The following TARM1 variants were observed in gnomAD, a reference collection of about 807,000 sequenced individuals.
TARM1 encodes T-cell-interacting, activating receptor on myeloid cells protein 1.
In TARM1, 24 loss-of-function variants were observed where a neutral mutation model predicts 30.4. That is an observed-to-expected ratio of 0.79 (90% confidence interval 0.57 to 1.11). The LOEUF is 1.11. TARM1 is among the 50% of genes least tolerant of loss of function. TARM1 has a pLI of 0.00. For synonymous variants in TARM1, 129 were observed against 138.9 expected (o/e 0.93, Z 0.50); for missense variants, 323 against 332.8 (o/e 0.97, Z 0.23).
chr19:54,071,835 AAAAC>A (rs587776218), intron 4 of TARM1, among the ~76,000 whole-genome samples: 53 of 149,716 alleles, frequency 3.5e-4, no homozygotes, highest in African/African-American at 1.1e-3. Context: ...CATCTCAAAG[AAAAC>A]AAACAAACAA....
intron 1 of TARM1, 120 bp from the exon 2 acceptor site, chr19:54,076,038 C>A: frequency 7.0e-7 from 1 of 1,434,396 alleles, no homozygotes; most frequent in Non-Finnish European, 9.4e-7. Context: ...AGGTCATACG[C>A]TCAGGAGTTC....
At chr19:54,079,352 G>T (rs1193081333) in intron 1 of TARM1, among the ~76,000 whole-genome samples, 2 of 152,032 alleles carry the variant, frequency 1.3e-5, no homozygotes, top group African/African-American at 4.8e-5. Context: ...GTTAGAGGGT[G>T]TAGCGTTCAT....
rs564302037 is a variant in TARM1 at position 54,071,103 on chromosome 19, A to G, written c.659-943T>C. On this transcript the variant is annotated intron_variant, in intron 4 of 4. Transcript: ENST00000432826. The stretch of plus-strand genomic sequence containing the variant: ...CTCCCGAATAGCTAGGATTACAGGC[A>G]CCTACCACCACACCCGGCTAATTTT... Among the ~76,000 whole-genome samples the G allele has an allele frequency of 3.2e-4, 48 of 151,988 alleles. 1 individual carries two copies. The East Asian group carries it at 7.6e-3, about 24-fold the overall frequency.
intron 1 of TARM1, among the ~76,000 whole-genome samples, chr19:54,080,344 GCTACT>G (rs1424513153): frequency 6.6e-6 from 1 of 150,524 alleles, no homozygotes; most frequent in Non-Finnish European, 1.5e-5. Flanking sequence ...TGTAGTCCCA[GCTACT>G]CGGGAGGCTG....
At chr19:54,073,343 A>G (rs1406850319) in intron 4 of TARM1, among the ~76,000 whole-genome samples, 1 of 117,986 alleles carries the variant, frequency 8.5e-6, no homozygotes, top group African/African-American at 3.2e-5. Context: ...TGGAAGGTGG[A>G]GGTTGCAGTG....
chr19:54,077,593 G>A (rs1467619400), intron 1 of TARM1, among the ~76,000 whole-genome samples: 1 of 152,022 alleles, frequency 6.6e-6, no homozygotes, highest in East Asian at 1.9e-4. Context: ...ACATCCATGA[G>A]CCAATCCATA....
chr19:54,074,016 C>G lies in TARM1; in HGVS notation c.562G>C (p.Ala188Pro), dbSNP rs1328305789. The G allele has an allele frequency of 6.4e-7, 1 of 1,551,576 alleles. No individual in the cohort carries two copies. Among genetic ancestry groups the G allele is most frequent in the Non-Finnish European group, 8.7e-7 (1 of 1,147,006 alleles). Residue 188 changes from alanine to proline, a missense_variant, in exon 4 of 5, where the codon GCC becomes CCC. Transcript: ENST00000432826. ...EIDFSLVDVT[A>P]GDAGNYSCMY... ...CAGCTGTAGTTCCCAGCATCGCCGG[C>G]TGTCACGTCCACCAGAGAGAAGTCT... is the stretch of plus-strand genomic sequence containing the variant.
At chr19:54,079,188 C>G (rs2072034916) in intron 1 of TARM1, among the ~76,000 whole-genome samples, 1 of 148,384 alleles carries the variant, frequency 6.7e-6, no homozygotes, top group Non-Finnish European at 1.5e-5. Context: ...CGCTTGAACC[C>G]AGGAGGCGGA....
chr19:54,075,189 A>G, intron 2 of TARM1, 75 bp from the exon 3 acceptor site: 1 of 1,200,044 alleles, frequency 8.3e-7, no homozygotes, highest in South Asian at 1.9e-5. Flanking sequence ...AAAATTTATT[A>G]TTATTATTAT....
At chr19:54,077,116 C>A (rs1439001804) in intron 1 of TARM1, among the ~76,000 whole-genome samples, 2 of 152,062 alleles carry the variant, frequency 1.3e-5, no homozygotes, top group African/African-American at 4.8e-5. Context: ...GGCGCGGTGG[C>A]TCCCGCCTGT....
intron 1 of TARM1, among the ~76,000 whole-genome samples, chr19:54,078,178 C>CTTTTTTTTTTTTTTTT (rs869101071): frequency 2.9e-5 from 2 of 67,802 alleles, no homozygotes; most frequent in Non-Finnish European, 2.6e-5. Context: ...TTCTTTCTTT[C>CTTTTTTTTTTTTTTTT]TTTTTTTTTT....
intron 1 of TARM1, chr19:54,076,393 C>T (rs777163945): frequency 2.4e-5 from 7 of 287,294 alleles, no homozygotes; most frequent in Admixed American, 7.9e-5. Flanking sequence ...GACAGAGTTG[C>T]GCTCTGTCGC....
chr19:54,076,367 T>A (rs921310436), intron 1 of TARM1: 8 of 759,914 alleles, frequency 1.1e-5, no homozygotes, highest in Middle Eastern at 3.9e-4. Flanking sequence ...TCTTTCTTTC[T>A]TTCATTCATT....
intron 1 of TARM1, among the ~76,000 whole-genome samples, chr19:54,077,827 C>T (rs1337907435): frequency 3.3e-5 from 5 of 149,922 alleles, no homozygotes; most frequent in Non-Finnish European, 7.4e-5. Flanking sequence ...ACTGCAACCT[C>T]CGCCTCGCGG....
chr19:54,079,119 C>T (rs148190526), intron 1 of TARM1, among the ~76,000 whole-genome samples: 12,648 of 148,846 alleles, frequency 0.085, 733 homozygotes, highest in Middle Eastern at 0.16. Context: ...AAAAACTTAG[C>T]CAGGCATGGT....
intron 3 of TARM1, 110 bp from the exon 4 acceptor site, chr19:54,074,326 T>C: frequency 9.7e-7 from 1 of 1,028,268 alleles, no homozygotes; most frequent in Non-Finnish European, 1.4e-6. Context: ...GAGAGATTCC[T>C]GATCTCTTCT....
intron 1 of TARM1, chr19:54,076,235 CTTTT>C (rs1270044412): frequency 4.6e-6 from 7 of 1,509,086 alleles, no homozygotes; most frequent in Non-Finnish European, 6.2e-6. Flanking sequence ...TTCTTTCTTT[CTTTT>C]TCTTTCCTTT....
chr19:54,077,071 A>G (rs1216314936), intron 1 of TARM1, among the ~76,000 whole-genome samples: 4 of 152,100 alleles, frequency 2.6e-5, no homozygotes, highest in Admixed American at 2.6e-4. Flanking sequence ...TGATAGAGAC[A>G]GGGCTGGGCT....
chr19:54,080,561 AAAGG>A (rs199531286), intron 1 of TARM1, among the ~76,000 whole-genome samples: 11,915 of 150,132 alleles, frequency 0.079, 546 homozygotes, highest in African/African-American at 0.12. Flanking sequence ...AAAAAGAAAG[AAAGG>A]AAGGAAGGAA....
Sources: gnomAD v4.1 joint callset for allele counts (sites outside exome capture counted in the v4.1 genomes callset) on GRCh38, gnomAD v4.1.1 for gene constraint, MANE v1.5 for transcripts, NCBI Gene and HGNC (gene_info 2026-07-23, HGNC 2026-07-21) for gene names.